BLK: variants seen among roughly 807,000 people sequenced by gnomAD.
BLK encodes the protein BLK proto-oncogene, Src family tyrosine kinase, also known as tyrosine-protein kinase Blk.
Under a neutral mutation model 61.8 loss-of-function variants are expected in BLK, and 64 were observed. That is an observed-to-expected ratio of 1.03 (90% CI 0.85 to 1.27). The LOEUF is 1.27. Among genes scored for constraint, BLK ranks in the 50% most tolerant of loss-of-function variants. The pLI, the probability that BLK is intolerant of heterozygous loss-of-function variation, is 0.00. For missense variants in BLK, 853 were observed against 660.5 expected (o/e 1.29, Z -3.19); for synonymous variants, 351 against 272.0 (o/e 1.29, Z -2.86).
At chr8:11,538,621 T>G (rs1179870134) in intron 1 of BLK, among the ~76,000 whole-genome samples, 2 of 152,228 alleles carry the variant, frequency 1.3e-5, no homozygotes, top group African/African-American at 4.8e-5. Context: ...CCAGGAAGCT[T>G]AAAGTCAATG....
At chr8:11,505,136 A>G (rs1021414143) in intron 1 of BLK, among the ~76,000 whole-genome samples, 5 of 152,196 alleles carry the variant, frequency 3.3e-5, no homozygotes, top group Non-Finnish European at 7.3e-5. Flanking sequence ...CTACATGCTT[A>G]TCAAAAACAA....
chr8:11,545,121 G>A (rs1007742104), intron 2 of BLK, among the ~76,000 whole-genome samples: 1 of 152,224 alleles, frequency 6.6e-6, no homozygotes, highest in Non-Finnish European at 1.5e-5. Flanking sequence ...TGAGACTGGG[G>A]TTGTGGCTCC....
At chr8:11,563,406 G>C (rs1801581551) in intron 12 of BLK, among the ~76,000 whole-genome samples, 1 of 152,226 alleles carries the variant, frequency 6.6e-6, no homozygotes, top group South Asian at 2.1e-4. Context: ...GTTCTCAGTT[G>C]AGGACAGGTT....
At position 11,561,964 on chromosome 8, in the gene BLK, G is replaced by A. The variant is rs183883680; in HGVS notation, c.1180+512G>A. On this transcript the variant is annotated intron_variant, in intron 11 of 12. Transcript: ENST00000259089. ...CTCCCAAGTAGTTGGGATTACAGGC[G>A]TGTGCCACTACACCTGGCTAATTTT... 3.0e-3 allele frequency among the ~76,000 whole-genome samples: 462 copies of A among 152,140 alleles called. 1 individual carries two copies. The highest frequency in any genetic ancestry group is 4.8e-3 in the Non-Finnish European group (325 of 67,990).
chr8:11,549,503 C>T (rs183488608), intron 5 of BLK, among the ~76,000 whole-genome samples: 3 of 152,308 alleles, frequency 2.0e-5, no homozygotes, highest in East Asian at 1.9e-4. Flanking sequence ...AGGAGGGTGG[C>T]GTTGTTCAGA....
chr8:11,556,905 G>A (rs934772246), intron 9 of BLK, 68 bp downstream of exon 9: 30 of 1,559,320 alleles, frequency 1.9e-5, no homozygotes, highest in Non-Finnish European at 2.2e-5. Context: ...GGAGGAGGAG[G>A]GTCCGCTGCG....
intron 6 of BLK, chr8:11,552,862 C>G (rs1393401211): frequency 6.6e-6 from 1 of 152,444 alleles, no homozygotes; most frequent in African/African-American, 2.4e-5. Context: ...GGCTGCAGGA[C>G]TGTTCAACCA....
At chr8:11,560,984 C>G (rs932920184) in intron 10 of BLK, 19 of 546,952 alleles carry the variant, frequency 3.5e-5, no homozygotes, top group Middle Eastern at 2.8e-4. Context: ...TTCTCCCTCC[C>G]TCTCCTTTTC....
At chr8:11,555,262 G>A in intron 7 of BLK, 70 bp from the exon 8 acceptor site, 1 of 1,606,292 alleles carries the variant, frequency 6.2e-7, no homozygotes, top group East Asian at 2.2e-5. Context: ...AGCTAGGAAT[G>A]ATACAGCTCC....
At position 11,564,391 on chromosome 8, in the gene BLK, G is replaced by A. The variant is rs1466377654; in HGVS notation, c.*283G>A. 1.5e-6 allele frequency: 1 copy of A among 658,310 alleles called. No individual in the cohort carries two copies. The highest frequency in any genetic ancestry group is 1.5e-5 in the South Asian group (1 of 66,390). The allele number at this position is 658,310 out of a possible 1,614,324, so 40.8% of individuals were successfully genotyped here. The stretch of plus-strand genomic sequence containing the variant: ...GTACTAAGCCCCAGTAAGGTGTTCA[G>A]GACTGGTAAGCGACTGTCATCAAGT... On this transcript the variant is annotated 3_prime_UTR_variant, in exon 13 of 13. Transcript: ENST00000259089.
At chr8:11,521,496 G>A (rs1799444683) in intron 1 of BLK, among the ~76,000 whole-genome samples, 1 of 152,164 alleles carries the variant, frequency 6.6e-6, no homozygotes, top group African/African-American at 2.4e-5. Flanking sequence ...CCACTCTGTT[G>A]CTCAGGCTGG....
intron 1 of BLK, among the ~76,000 whole-genome samples, chr8:11,511,911 T>G (rs780963000): frequency 2.0e-5 from 3 of 152,216 alleles, no homozygotes; most frequent in Non-Finnish European, 4.4e-5. Context: ...ATTTACTCTT[T>G]CTGGCAGTGG....
intron 1 of BLK, among the ~76,000 whole-genome samples, chr8:11,517,699 C>A (rs921200923): frequency 6.6e-6 from 1 of 152,136 alleles, no homozygotes; most frequent in African/African-American, 2.4e-5. Flanking sequence ...CTTCAGCTCC[C>A]GAAGACCCTC....
At chr8:11,523,981 T>C (rs138136891) in intron 1 of BLK, among the ~76,000 whole-genome samples, 83 of 152,300 alleles carry the variant, frequency 5.4e-4, no homozygotes, top group African/African-American at 1.8e-3. Context: ...AAAATGTGCA[T>C]ATTCTTAAAC....
At chr8:11,545,070 G>C (rs981069700) in intron 2 of BLK, among the ~76,000 whole-genome samples, 4 of 152,122 alleles carry the variant, frequency 2.6e-5, no homozygotes, top group Non-Finnish European at 4.4e-5. Context: ...TATTCATGTT[G>C]TAAACTTTAA....
At position 11,543,327 on chromosome 8, in the gene BLK, G is replaced by A. The variant is rs76085840; in HGVS notation, c.103G>A (p.Ala35Thr). 11 of 1,609,654 alleles carry A rather than the reference G, an allele frequency of 6.8e-6. No individual in the cohort carries two copies. The highest frequency in any genetic ancestry group is 2.7e-5 in the African/African-American group (2 of 74,876). The change falls in exon 2 of 13, where the codon GCC (alanine) becomes ACC (threonine). Residue 35 changes from alanine (A) to threonine (T), a missense_variant. By Grantham distance (58) the Ala-to-Thr change is moderately conservative. Coordinates refer to ENST00000259089, the MANE Select transcript of BLK (RefSeq NM_001715.3). ...PLKVSAQDKDAPPLPPLVVFN... is the reference protein window; with the variant it reads ...PLKVSAQDKDTPPLPPLVVFN... ...GAAGGTCAGCGCCCAAGACAAGGACGCCCCGCCACTGCCGCCCCTGGTGAG... is the reference window on the plus strand; with the variant it reads ...GAAGGTCAGCGCCCAAGACAAGGACACCCCGCCACTGCCGCCCCTGGTGAG...
intron 1 of BLK, chr8:11,509,920 CTTTCTT>C (rs1378034675): frequency 6.6e-6 from 1 of 152,072 alleles, no homozygotes; most frequent in African/African-American, 2.4e-5. Flanking sequence ...TTTTCTTTTT[CTTTCTT>C]TTTATTATAA....
At chr8:11,554,073 G>A (rs780393640) in intron 6 of BLK, 1 of 154,930 alleles carries the variant, frequency 6.5e-6, no homozygotes, top group East Asian at 1.9e-4. Flanking sequence ...TGGTACCCAA[G>A]TAGCTGGACA....
intron 1 of BLK, among the ~76,000 whole-genome samples, chr8:11,516,805 C>T (rs73663155): frequency 0.028 from 4,317 of 152,320 alleles, 118 homozygotes; most frequent in Middle Eastern, 0.088. Flanking sequence ...ATATAGCCCA[C>T]ACTGGGCTTA....
Sources: gnomAD v4.1 joint callset for allele counts (sites outside exome capture counted in the v4.1 genomes callset) on GRCh38, gnomAD v4.1.1 for gene constraint, MANE v1.5 for transcripts, NCBI Gene and HGNC (gene_info 2026-07-23, HGNC 2026-07-21) for gene names.